The following EDN1 variants were observed in gnomAD, a reference collection of about 807,000 sequenced individuals.
EDN1 encodes the protein endothelin 1.
In EDN1, 11 loss-of-function variants were observed where a neutral mutation model predicts 21.7. The ratio of observed to expected loss-of-function variants is 0.51; its 90% confidence interval spans 0.32 to 0.84. The LOEUF is 0.84. Ranked by LOEUF, EDN1 falls within the 40% of genes least tolerant of loss-of-function variation. The pLI, the probability that EDN1 is intolerant of heterozygous loss-of-function variation, is 0.03. For missense variants in EDN1, 244 were observed against 262.3 expected, an observed-to-expected ratio of 0.93 and a Z score of 0.48; for synonymous variants, 85 against 90.6, an observed-to-expected ratio of 0.94 and a Z score of 0.35.
chr6:12,276,031 G>A, the EDN1 span, among the ~76,000 whole-genome samples: 165 of 151,960 alleles, frequency 1.1e-3, no homozygotes, highest in Non-Finnish European at 1.7e-3. Context: ...GCGTGGTGGT[G>A]GGTGCCTGTA....
In EDN1 at chr6:12,290,681, G is replaced by A. The variant is rs777308856; in HGVS notation, c.52G>A (p.Ala18Thr). 3.1e-6 allele frequency: 5 copies of A among 1,613,952 alleles called. No homozygotes were observed. Among genetic ancestry groups the A allele is most frequent in the Admixed American group, 1.7e-5 (1 of 60,004 alleles). The change falls in exon 1 of 5, where the codon GCT (alanine) becomes ACT (threonine). Residue 18 changes from alanine (A) to threonine (T), a missense_variant. By Grantham distance (58) the Ala-to-Thr change is moderately conservative. Transcript: ENST00000379375. ...TCTGCTGTTTGTGGCTTGCCAAGGA[G>A]CTCCAGAAACAGGTAGGCACGCTCG... The part of the protein sequence containing the change: ...FSLLFVACQG[A>T]PETAVLGAEL...
chr6:12,234,134 C>T, the EDN1 span, among the ~76,000 whole-genome samples: 1 of 152,190 alleles, frequency 6.6e-6, no homozygotes, highest in Non-Finnish European at 1.5e-5. Flanking sequence ...CTATTCACTA[C>T]TTTTGTGGTT....
chr6:12,246,380 A>G, the EDN1 span, among the ~76,000 whole-genome samples: 3 of 152,212 alleles, frequency 2.0e-5, no homozygotes, highest in Admixed American at 2.0e-4. Flanking sequence ...TTAACATTTG[A>G]GAAAACTTGC....
chr6:12,265,925 A>G, the EDN1 span, among the ~76,000 whole-genome samples: 1 of 152,226 alleles, frequency 6.6e-6, no homozygotes, highest in African/African-American at 2.4e-5. Flanking sequence ...ACCCTGGTTA[A>G]GTTGAGGGAA....
the EDN1 span, among the ~76,000 whole-genome samples, chr6:12,259,972 C>A: frequency 6.6e-6 from 1 of 151,092 alleles, no homozygotes; most frequent in Non-Finnish European, 1.5e-5. Context: ...AATAATTAAC[C>A]CTATAGAAAT....
At chr6:12,254,270 T>C in the EDN1 span, among the ~76,000 whole-genome samples, 1 of 152,148 alleles carries the variant, frequency 6.6e-6, no homozygotes. Context: ...ACCTTGAGGG[T>C]GTTTCCCTCT....
At chr6:12,250,747 C>G in the EDN1 span, among the ~76,000 whole-genome samples, 243 of 152,286 alleles carry the variant, frequency 1.6e-3, 3 homozygotes, top group African/African-American at 5.7e-3. Context: ...AAAAAAATAG[C>G]ATTCCTTTTA....
At chr6:12,280,364 C>G in the EDN1 span, among the ~76,000 whole-genome samples, 3 of 152,198 alleles carry the variant, frequency 2.0e-5, no homozygotes, top group African/African-American at 7.2e-5. Flanking sequence ...TATAATAACT[C>G]AGACTTATTA....
At position 12,294,027 on chromosome 6, in the gene EDN1, A is replaced by G; in HGVS notation, c.320A>G (p.Asn107Ser). 6.2e-7 allele frequency: 1 copy of G among 1,614,234 alleles called. No individual in the cohort carries two copies. The highest frequency in any genetic ancestry group is 8.5e-7 in the Non-Finnish European group (1 of 1,180,042). Residue 107 changes from asparagine (N) to serine (S), a missense_variant, in exon 3 of 5, where the codon AAT becomes AGT. Transcript: ENST00000379375. ...LLPTKATDRE[N>S]RCQCASQKDK... is the part of the protein sequence containing the mutation. ...CCCACAAAGGCAACAGACCGTGAAA[A>G]TAGATGCCAATGTGCTAGCCAAAAA...
chr6:12,280,977 T>G, the EDN1 span, among the ~76,000 whole-genome samples: 2 of 152,228 alleles, frequency 1.3e-5, no homozygotes, highest in Non-Finnish European at 2.9e-5. Flanking sequence ...AAATGCCTTT[T>G]TTCTCAGATC....
the EDN1 span, among the ~76,000 whole-genome samples, chr6:12,276,743 C>A: frequency 1.3e-5 from 2 of 152,234 alleles, no homozygotes; most frequent in South Asian, 4.1e-4. Context: ...ACATGCCAAG[C>A]TCCCAGAGGC....
At chr6:12,247,243 T>A in the EDN1 span, among the ~76,000 whole-genome samples, 1 of 152,090 alleles carries the variant, frequency 6.6e-6, no homozygotes, top group Non-Finnish European at 1.5e-5. Context: ...TGTGTGGATC[T>A]GACCCACTAA....
intron 1 of EDN1, among the ~76,000 whole-genome samples, chr6:12,291,466 T>C (rs1762681607): frequency 6.6e-6 from 1 of 152,204 alleles, no homozygotes; most frequent in African/African-American, 2.4e-5. Flanking sequence ...CAGTGCACTT[T>C]TTTTGTCTTT....
chr6:12,294,114 T>C lies in EDN1; in HGVS notation c.389+18T>C. 6.2e-7 allele frequency: 1 copy of C among 1,614,160 alleles called. No homozygotes were observed. Among genetic ancestry groups the C allele is most frequent in the East Asian group, 2.2e-5 (1 of 44,892 alleles). Reference sequence around the variant, plus strand: ...GAACTCAGGTGAGCAGAAACACCTTTGCTTTTCAATCAGTTTAACAGCCTC... The same window carrying C: ...GAACTCAGGTGAGCAGAAACACCTTCGCTTTTCAATCAGTTTAACAGCCTC... On this transcript the variant is annotated intron_variant, in intron 3 of 4. Transcript: ENST00000379375.
At chr6:12,266,172 C>T in the EDN1 span, among the ~76,000 whole-genome samples, 3 of 152,082 alleles carry the variant, frequency 2.0e-5, no homozygotes, top group Admixed American at 1.3e-4. Flanking sequence ...AAATTAATTA[C>T]GTGATTTTGT....
the EDN1 span, among the ~76,000 whole-genome samples, chr6:12,281,841 C>T: frequency 6.6e-6 from 1 of 152,152 alleles, no homozygotes; most frequent in Non-Finnish European, 1.5e-5. Context: ...GCCCTTGAAA[C>T]ATCACTGAGA....
At chr6:12,255,604 G>C in the EDN1 span, among the ~76,000 whole-genome samples, 4 of 152,140 alleles carry the variant, frequency 2.6e-5, no homozygotes, top group Non-Finnish European at 4.4e-5. Flanking sequence ...CTTTGATTTT[G>C]GCTGTGGAAG....
the EDN1 span, among the ~76,000 whole-genome samples, chr6:12,231,291 AGTGT>A: frequency 1.3e-5 from 2 of 152,202 alleles, no homozygotes; most frequent in Non-Finnish European, 1.5e-5. Flanking sequence ...TGTAAAAACC[AGTGT>A]TCCACCAACA....
At chr6:12,232,524 A>G in the EDN1 span, among the ~76,000 whole-genome samples, 1 of 152,296 alleles carries the variant, frequency 6.6e-6, no homozygotes, top group East Asian at 1.9e-4. Flanking sequence ...TGTGGAATGT[A>G]GCAATCTTGT....
Sources: allele counts gnomAD v4.1 joint callset (sites outside exome capture counted in the v4.1 genomes callset), GRCh38; gene constraint gnomAD v4.1.1; transcripts MANE v1.5; gene names NCBI Gene and HGNC (gene_info 2026-07-23, HGNC 2026-07-21).